Variants in PCSK5 observed in about 807,000 individuals in gnomAD.
PCSK5 encodes the protein prohormone convertase 5.
Under a neutral mutation model 233.2 loss-of-function variants are expected in PCSK5, and 129 were observed. The observed-to-expected ratio is 0.55, with a 90% confidence interval of 0.48 to 0.64. The LOEUF is 0.64. Ranked by LOEUF, PCSK5 falls within the 30% of genes least tolerant of loss-of-function variation. The pLI is 0.00. For missense variants in PCSK5, 2,076 were observed against 2,430.1 expected (o/e 0.85, Z 3.06); for synonymous variants, 825 against 879.2 (o/e 0.94, Z 1.09).
At chr9:76,357,275 C>A (rs1035011270) in intron 37 of PCSK5, among the ~76,000 whole-genome samples, 7 of 152,124 alleles carry the variant, frequency 4.6e-5, no homozygotes, top group African/African-American at 1.7e-4. Context: ...TGCCCCAGAA[C>A]TTTGGGAGGC....
intron 3 of PCSK5, among the ~76,000 whole-genome samples, chr9:76,007,796 TTGTG>T (rs59860078): frequency 0.024 from 3,021 of 128,248 alleles, 87 homozygotes; most frequent in African/African-American, 0.068. Flanking sequence ...CCGGCTAATT[TTGTG>T]TGTGTGTGTG....
intron 2 of PCSK5, among the ~76,000 whole-genome samples, chr9:75,962,347 A>G (rs1365924450): frequency 3.9e-5 from 6 of 152,180 alleles, no homozygotes; most frequent in Non-Finnish European, 2.9e-5. Flanking sequence ...GCTTGGCTTC[A>G]CACCAGGCCT....
intron 5 of PCSK5, among the ~76,000 whole-genome samples, chr9:76,030,239 A>C (rs967667387): frequency 6.6e-6 from 1 of 152,186 alleles, no homozygotes; most frequent in South Asian, 2.1e-4. Context: ...ATATTCATAA[A>C]CATTTTAGCT....
rs115959733 is a variant in PCSK5, at chr9:76,188,427, G to T, written c.2283-151G>T. On this transcript the variant is annotated intron_variant, in intron 17 of 37. Coordinates refer to ENST00000674117, the MANE Select transcript of PCSK5 (RefSeq NM_001372043.1). ...TAAGCATTGAGAGGAGAAAAAAAAG[G>T]GTACACGGGCTATTTCCCCGGCTTT... 4.3e-3 allele frequency: 2,491 copies of T among 576,130 alleles called. 48 individuals are homozygous for T. The highest frequency in any genetic ancestry group is 0.041 in the African/African-American group (2,181 of 52,730). 35.7% of individuals were successfully genotyped at this position (576,130 alleles called of 1,614,324 possible).
intron 24 of PCSK5, among the ~76,000 whole-genome samples, chr9:76,277,326 G>A (rs926842156): frequency 5.3e-5 from 8 of 152,118 alleles, no homozygotes; most frequent in South Asian, 2.1e-4. Context: ...AATGTACAGC[G>A]TTAGTGAGTG....
At chr9:75,947,912 GTTCACTC>G (rs1824649528) in intron 2 of PCSK5, among the ~76,000 whole-genome samples, 1 of 152,160 alleles carries the variant, frequency 6.6e-6, no homozygotes, top group Admixed American at 6.5e-5. Context: ...TACAATCACA[GTTCACTC>G]TGGCCTCAAA....
intron 16 of PCSK5, among the ~76,000 whole-genome samples, chr9:76,182,640 T>C (rs763090717): frequency 1.3e-5 from 2 of 152,018 alleles, no homozygotes; most frequent in African/African-American, 2.4e-5. Flanking sequence ...GACGAAGGTA[T>C]ATTGCCCTAG....
At chr9:76,054,398 G>A (rs1829747990) in intron 5 of PCSK5, among the ~76,000 whole-genome samples, 1 of 152,162 alleles carries the variant, frequency 6.6e-6, no homozygotes, top group South Asian at 2.1e-4. Flanking sequence ...AATTTTTTGT[G>A]TTGTTTCAGT....
In PCSK5 at chr9:76,155,548, C is replaced by A. The variant is rs142958549; in HGVS notation, c.1313-1497C>A. ...AGTTAATTGGCAATGCAATTGATGG[C>A]ACAGATAAAAGTGCAGTGCCTGATA... On this transcript the variant is annotated intron_variant, in intron 10 of 37. Coordinates refer to ENST00000674117, the MANE Select transcript of PCSK5 (RefSeq NM_001372043.1). 5.9e-5 allele frequency among the ~76,000 whole-genome samples: 9 copies of A among 152,186 alleles called. No individual in the cohort carries two copies. In the East Asian group the frequency reaches 1.7e-3, roughly 29 times the overall value.
chr9:76,282,498 TG>T, intron 24 of PCSK5, among the ~76,000 whole-genome samples: 1 of 151,054 alleles, frequency 6.6e-6, no homozygotes, highest in Admixed American at 6.6e-5. Context: ...ATCTATTTTT[TG>T]TAGAAATAGA....
chr9:76,273,878 G>A (rs150554760), intron 24 of PCSK5, among the ~76,000 whole-genome samples: 1 of 150,172 alleles, frequency 6.7e-6, no homozygotes, highest in East Asian at 1.9e-4. Context: ...AAACTCCCAG[G>A]CTCAAGCAAG....
intron 20 of PCSK5, among the ~76,000 whole-genome samples, chr9:76,218,445 CCA>C (rs1446493848): frequency 1.3e-5 from 2 of 152,212 alleles, no homozygotes; most frequent in East Asian, 3.9e-4. Context: ...AATTTGGGAT[CCA>C]GTCTGACCAG....
intron 4 of PCSK5, among the ~76,000 whole-genome samples, chr9:76,024,658 A>T: frequency 6.6e-6 from 1 of 152,250 alleles, no homozygotes; most frequent in Non-Finnish European, 1.5e-5. Context: ...AAATACAAAT[A>T]GCATTCATGT....
chr9:76,158,914 G>C (rs1587699486), intron 11 of PCSK5, 69 bp from the exon 12 acceptor site: 1 of 1,265,494 alleles, frequency 7.9e-7, no homozygotes, highest in African/African-American at 1.5e-5. Context: ...TTTATTCCAT[G>C]CCTCCAGGTT....
Position 76,328,054 on chromosome 9 carries a change from C to G in PCSK5, c.4385C>G (p.Thr1462Ser), listed in dbSNP as rs1314570782. 1.2e-6 allele frequency: 2 copies of G among 1,612,716 alleles called. No homozygotes were observed. The highest frequency in any genetic ancestry group is 1.7e-6 in the Non-Finnish European group (2 of 1,179,824). Residue 1462 changes from threonine to serine, a missense_variant, in exon 33 of 38, where the codon ACC becomes AGC. By Grantham distance (58) the Thr-to-Ser change is moderately conservative. Coordinates refer to ENST00000674117, the MANE Select transcript of PCSK5 (RefSeq NM_001372043.1). Reference protein sequence around the residue: ...CLTCSSSGTCTTCQKGLIMNP... With the variant: ...CLTCSSSGTCSTCQKGLIMNP... ...ACCTGCTCATCATCTGGGACCTGCA[C>G]CACCTGTCAGAAAGGCCTGATCATG...
chr9:76,075,047 C>T (rs981596194), intron 7 of PCSK5, among the ~76,000 whole-genome samples: 4 of 151,960 alleles, frequency 2.6e-5, no homozygotes, highest in Non-Finnish European at 4.4e-5. Flanking sequence ...TGGCAAAATC[C>T]CATCTCTACT....
At chr9:76,081,739 A>T (rs1830846150) in intron 7 of PCSK5, among the ~76,000 whole-genome samples, 1 of 152,164 alleles carries the variant, frequency 6.6e-6, no homozygotes, top group Non-Finnish European at 1.5e-5. Context: ...AATTTTATCA[A>T]CATTTATGTA....
intron 2 of PCSK5, among the ~76,000 whole-genome samples, chr9:75,976,319 CACA>C (rs1460926015): frequency 3.5e-5 from 5 of 144,038 alleles, no homozygotes; most frequent in African/African-American, 1.0e-4. Flanking sequence ...CACACACACA[CACA>C]CCTTTTTCTC....
At chr9:76,318,315 G>A (rs1297053705) in intron 30 of PCSK5, among the ~76,000 whole-genome samples, 8 of 152,086 alleles carry the variant, frequency 5.3e-5, no homozygotes, top group Non-Finnish European at 7.3e-5. Flanking sequence ...AGGGCCTGTC[G>A]GAGGGTAGGG....
Sources: gnomAD v4.1 joint callset for allele counts (sites outside exome capture counted in the v4.1 genomes callset) on GRCh38, gnomAD v4.1.1 for gene constraint, MANE v1.5 for transcripts, NCBI Gene and HGNC (gene_info 2026-07-23, HGNC 2026-07-21) for gene names.